LHCGR: variants seen among roughly 807,000 people sequenced by gnomAD.
LHCGR encodes the protein luteinizing hormone/choriogonadotropin receptor, also known as lutropin-choriogonadotropic hormone receptor.
LHCGR carries 55 observed loss-of-function variants against 60.7 expected under a neutral mutation model. The observed-to-expected ratio is 0.91, with a 90% CI of 0.73 to 1.13. LHCGR has a LOEUF of 1.13. Among genes scored for constraint, LHCGR ranks in the 50% most tolerant of loss-of-function variants. The probability of loss-of-function intolerance (pLI) is 0.00; values close to 1 mark genes in which losing one functional copy is unlikely to be tolerated. For synonymous variants in LHCGR, 337 were observed against 316.5 expected (o/e 1.06, Z -0.69); for missense variants, 862 against 836.0 (o/e 1.03, Z -0.38).
intron 3 of LHCGR, among the ~76,000 whole-genome samples, chr2:48,726,022 C>T (rs2104456490): frequency 6.6e-6 from 1 of 152,182 alleles, no homozygotes; most frequent in Non-Finnish European, 1.5e-5. Flanking sequence ...CCCTCCCACC[C>T]CTCTCCCCCA....
chr2:48,724,816 T>C (rs114832822), intron 4 of LHCGR, among the ~76,000 whole-genome samples: 4,215 of 152,212 alleles, frequency 0.028, 78 homozygotes, highest in Middle Eastern at 0.051. Context: ...ACAAAGGAGC[T>C]ATGCCAGTTC....
intron 10 of LHCGR, among the ~76,000 whole-genome samples, chr2:48,692,319 C>T (rs761151284): frequency 1.3e-4 from 20 of 152,202 alleles, no homozygotes; most frequent in Non-Finnish European, 2.4e-4. Flanking sequence ...AAAATTCTGC[C>T]ATGATTTCTG....
Position 48,732,895 on chromosome 2 carries a change from A to G in LHCGR, c.162-1597T>C, listed in dbSNP as rs769814848. On this transcript the variant is annotated intron_variant, in intron 1 of 10. Transcript: ENST00000294954. ...GGTCTCTGATTCTATTCCCGAAGGC[A>G]TTCCCAAGAAGGACATCGTTTAACA... The G allele has an allele frequency of 1.9e-5, 10 of 534,460 alleles. No homozygotes were observed. In the Admixed American group the frequency reaches 1.9e-4, roughly 10 times the overall value. The allele number at this position is 534,460 out of a possible 1,614,324, so 33.1% of individuals were successfully genotyped here. A position where few individuals can be genotyped will look rare whatever the true frequency, so the allele number is the denominator to read the frequency against.
intron 6 of LHCGR, among the ~76,000 whole-genome samples, chr2:48,716,480 G>T: frequency 6.6e-6 from 1 of 152,250 alleles, no homozygotes; most frequent in South Asian, 2.1e-4. Flanking sequence ...TCATGGGTCA[G>T]ATGATGATAA....
intron 6 of LHCGR, among the ~76,000 whole-genome samples, chr2:48,723,174 A>G (rs1046824337): frequency 6.6e-6 from 1 of 152,234 alleles, no homozygotes; most frequent in Admixed American, 6.5e-5. Context: ...GCCTTAGAGC[A>G]TTCTCCATTA....
intron 1 of LHCGR, among the ~76,000 whole-genome samples, chr2:48,731,948 C>A (rs1341547604): frequency 6.6e-6 from 1 of 152,342 alleles, no homozygotes; most frequent in South Asian, 2.1e-4. Flanking sequence ...GGTTAACTCA[C>A]ATGGGCATCT....
chr2:48,740,377 C>T (rs1669391964), intron 1 of LHCGR, among the ~76,000 whole-genome samples: 1 of 152,256 alleles, frequency 6.6e-6, no homozygotes, highest in Non-Finnish European at 1.5e-5. Flanking sequence ...GTAGGCTCCA[C>T]CTCTGGGGGC....
At chr2:48,718,087 T>G (rs989472831) in intron 6 of LHCGR, among the ~76,000 whole-genome samples, 1 of 152,040 alleles carries the variant, frequency 6.6e-6, no homozygotes, top group African/African-American at 2.4e-5. Context: ...GGAGAGTCAC[T>G]TCAGATAACT....
At position 48,716,948 on chromosome 2, in the gene LHCGR, T is replaced by A. The variant is rs7595747; in HGVS notation, c.537-2894A>T. On this transcript the variant is annotated intron_variant, in intron 6 of 10. Coordinates refer to ENST00000294954, the MANE Select transcript of LHCGR (RefSeq NM_000233.4). Reference sequence around the variant, plus strand: ...AAACTAATAGTGGTATCCAAAAATATGCACTTTTATAACAAGCTCTCCTAG... The same window carrying A: ...AAACTAATAGTGGTATCCAAAAATAAGCACTTTTATAACAAGCTCTCCTAG... 4.6e-3 allele frequency among the ~76,000 whole-genome samples: 703 copies of A among 152,148 alleles called. 20 individuals are homozygous for A. Among genetic ancestry groups the A allele is most frequent in the East Asian group, 3.3e-3 (17 of 5,166 alleles).
At chr2:48,747,816 TG>T (rs1313458092) in intron 1 of LHCGR, among the ~76,000 whole-genome samples, 1 of 152,162 alleles carries the variant, frequency 6.6e-6, no homozygotes, top group Non-Finnish European at 1.5e-5. Flanking sequence ...TGCTTGCAAA[TG>T]AAAAAAGACT....
intron 8 of LHCGR, among the ~76,000 whole-genome samples, chr2:48,699,513 C>T (rs1337119782): frequency 6.6e-6 from 1 of 152,184 alleles, no homozygotes; most frequent in Non-Finnish European, 1.5e-5. Flanking sequence ...TGCTCTACCC[C>T]AGGGGAAATT....
intron 8 of LHCGR, among the ~76,000 whole-genome samples, chr2:48,702,238 T>A (rs775315971): frequency 2.0e-5 from 3 of 151,882 alleles, no homozygotes; most frequent in Non-Finnish European, 4.4e-5. Flanking sequence ...TTCAATGTTC[T>A]ATTCCTCCTA....
Position 48,729,094 on chromosome 2 carries a change from G to C in LHCGR, c.308+59C>G, listed in dbSNP as rs192797514. Reference sequence around the variant, plus strand: ...ATGCTTGAATACAAATACCAAGTGGGCTCCAGCCAGTGAGGGTAATAGTGT... The same window carrying C: ...ATGCTTGAATACAAATACCAAGTGGCCTCCAGCCAGTGAGGGTAATAGTGT... On this transcript the variant is annotated intron_variant, in intron 3 of 10. Coordinates refer to ENST00000294954, the MANE Select transcript of LHCGR (RefSeq NM_000233.4). The C allele has an allele frequency of 2.3e-3, 2,930 of 1,267,156 alleles. 7 individuals are homozygous for C. Among genetic ancestry groups the C allele is most frequent in the Non-Finnish European group, 3.1e-3 (2,650 of 867,122 alleles). 78.5% of individuals were successfully genotyped at this position (1,267,156 alleles called of 1,614,324 possible). A position where few individuals can be genotyped will look rare whatever the true frequency, so the allele number is the denominator to read the frequency against.
chr2:48,725,401 A>T (rs147721461), intron 4 of LHCGR, among the ~76,000 whole-genome samples: 6 of 152,252 alleles, frequency 3.9e-5, no homozygotes, highest in African/African-American at 7.2e-5. Flanking sequence ...TCCCATACCC[A>T]TTGTCAACCT....
At chr2:48,744,854 T>C (rs1393216898) in intron 1 of LHCGR, among the ~76,000 whole-genome samples, 6 of 151,698 alleles carry the variant, frequency 4.0e-5, no homozygotes, top group African/African-American at 1.2e-4. Flanking sequence ...TGGGATCCAA[T>C]TAAACTAAAG....
At chr2:48,736,782 C>G (rs1669222213) in intron 1 of LHCGR, among the ~76,000 whole-genome samples, 1 of 152,106 alleles carries the variant, frequency 6.6e-6, no homozygotes, top group African/African-American at 2.4e-5. Flanking sequence ...AAAAACCTAT[C>G]AATTGGGAGA....
At position 48,694,302 on chromosome 2, in the gene LHCGR, T is replaced by C. The variant is rs767856525; in HGVS notation, c.869A>G (p.Gln290Arg). 1.3e-6 allele frequency: 2 copies of C among 1,589,730 alleles called. No individual in the cohort carries two copies. The highest frequency in any genetic ancestry group is 2.7e-5 in the African/African-American group (2 of 74,642). Residue 290 changes from glutamine (Q) to arginine (R), a missense_variant and splice_region_variant, in exon 10 of 11, where the codon CAG becomes CGG. Physicochemically the swap from Gln to Arg is conservative, Grantham distance 43. Coordinates refer to ENST00000294954, the MANE Select transcript of LHCGR (RefSeq NM_000233.4). ...TTCAGAAATGGAATGTGAAAAATTCTGTCTGAAAGAGAAGAGGTTAAAAAA... is the reference window on the plus strand; with the variant it reads ...TTCAGAAATGGAATGTGAAAAATTCCGTCTGAAAGAGAAGAGGTTAAAAAA... Reference protein sequence around the residue: ...CAFRNLPTKEQNFSHSISENF... With the variant: ...CAFRNLPTKERNFSHSISENF...
intron 6 of LHCGR, 32 bp from the exon 7 acceptor site, chr2:48,714,086 G>A: frequency 6.7e-7 from 1 of 1,494,234 alleles, no homozygotes; most frequent in Non-Finnish European, 9.3e-7. Context: ...TTAGGAATGG[G>A]AAGAAACTGA....
chr2:48,717,758 C>T (rs557332738), intron 6 of LHCGR, among the ~76,000 whole-genome samples: 6 of 151,632 alleles, frequency 4.0e-5, no homozygotes, highest in African/African-American at 1.2e-4. Flanking sequence ...AATGTACTCA[C>T]GTGCTGAAGG....
Sources: gnomAD v4.1 joint callset for allele counts (sites outside exome capture counted in the v4.1 genomes callset) on GRCh38, gnomAD v4.1.1 for gene constraint, MANE v1.5 for transcripts, NCBI Gene and HGNC (gene_info 2026-07-23, HGNC 2026-07-21) for gene names.